Variants in CFAP61 observed in about 807,000 individuals in gnomAD.
The protein encoded by CFAP61 is cilia- and flagella-associated protein 61.
In CFAP61, 107 loss-of-function variants were observed where a neutral mutation model predicts 135.6. That is an observed-to-expected ratio of 0.79 (90% CI 0.67 to 0.93). CFAP61 has a LOEUF of 0.93. Ranked by LOEUF, CFAP61 falls within the 40% of genes least tolerant of loss-of-function variation. The probability of loss-of-function intolerance (pLI) is 0.00; values close to 1 mark genes in which losing one functional copy is unlikely to be tolerated. For synonymous variants in CFAP61, 575 were observed against 578.5 expected (o/e 0.99, Z 0.09); for missense variants, 1,507 against 1,556.2 (o/e 0.97, Z 0.53).
chr20:20,279,999 T>C (rs1490852923), intron 22 of CFAP61, among the ~76,000 whole-genome samples: 1 of 152,106 alleles, frequency 6.6e-6, no homozygotes, highest in East Asian at 1.9e-4. Context: ...GTCCATCCTC[T>C]TCACTATGGT....
At chr20:20,118,307 T>TTCTC (rs1165988126) in intron 8 of CFAP61, among the ~76,000 whole-genome samples, 3 of 119,132 alleles carry the variant, frequency 2.5e-5, no homozygotes, top group Non-Finnish European at 5.5e-5. Context: ...CTTTCTTTCT[T>TTCTC]TTCTTTCTTT....
At chr20:20,059,328 A>AG (rs2044625107) in intron 2 of CFAP61, among the ~76,000 whole-genome samples, 2 of 112,176 alleles carry the variant, frequency 1.8e-5, no homozygotes, top group Non-Finnish European at 3.6e-5. Context: ...CTCTGTCTCA[A>AG]AAAAAAAAAA....
rs534848715 is a variant in CFAP61, at chr20:20,263,036, G to A, written c.2409G>A (p.Thr803=). 41 of 1,613,940 alleles carry A rather than the reference G, an allele frequency of 2.5e-5. No homozygotes were observed. In the Admixed American group the frequency reaches 4.2e-4, roughly 16 times the overall value. ...EVPNSSQRRY[T]GKVPCNHFTL... ...CCAACAGCAGTCAGCGGCGGTACAC[G>A]GGGAAAGTTCCTTGCAACCATTTCA... is the stretch of plus-strand genomic sequence containing the variant. Residue 803 remains threonine (T), a synonymous_variant, in exon 21 of 27, where the codon ACG becomes ACA. Coordinates refer to ENST00000245957, the MANE Select transcript of CFAP61 (RefSeq NM_015585.4).
At chr20:20,236,202 T>A (rs2049578980) in intron 18 of CFAP61, among the ~76,000 whole-genome samples, 1 of 152,104 alleles carries the variant, frequency 6.6e-6, no homozygotes, top group African/African-American at 2.4e-5. Context: ...TGGATAGGGA[T>A]GGGGAGGGTT....
chr20:20,212,152 A>G (rs2047692178), intron 17 of CFAP61, among the ~76,000 whole-genome samples: 1 of 152,082 alleles, frequency 6.6e-6, no homozygotes, highest in African/African-American at 2.4e-5. Context: ...CCCCTTTCAG[A>G]CCATGTGACT....
rs2058454139 is a variant in CFAP61, at chr20:20,341,830, G to A, written c.3423-1G>A. The A allele has an allele frequency of 2.5e-6, 4 of 1,612,250 alleles. No homozygotes were observed. Among genetic ancestry groups the A allele is most frequent in the Non-Finnish European group, 3.4e-6 (4 of 1,178,882 alleles). ...CACTGAGTCTCTTCTTTCCTTACCA[G>A]CTACTTCACCGAGCCGTGGTGCCTG... is the stretch of plus-strand genomic sequence containing the variant. On this transcript the variant is annotated splice_acceptor_variant, in intron 25 of 26. Coordinates refer to ENST00000245957, the MANE Select transcript of CFAP61 (RefSeq NM_015585.4). LOFTEE classifies it high-confidence loss of function.
At chr20:20,286,852 C>A (rs2054619268) in intron 22 of CFAP61, among the ~76,000 whole-genome samples, 1 of 152,086 alleles carries the variant, frequency 6.6e-6, no homozygotes. Context: ...CCCAGAAAAA[C>A]AAGAACTAGT....
intron 24 of CFAP61, among the ~76,000 whole-genome samples, chr20:20,297,035 A>G (rs547517703): frequency 1.3e-5 from 2 of 152,020 alleles, no homozygotes; most frequent in African/African-American, 4.8e-5. Flanking sequence ...CCTCACCCCC[A>G]AATGCCCAAT....
chr20:20,262,816 TTTCAA>T, intron 20 of CFAP61, 135 bp from the exon 21 acceptor site: 1 of 424,718 alleles, frequency 2.4e-6, no homozygotes, highest in Non-Finnish European at 4.1e-6. Flanking sequence ...TTTTTTTTTT[TTTCAA>T]TTAAAATCTG....
chr20:20,356,350 C>G (rs139274924), intron 26 of CFAP61, among the ~76,000 whole-genome samples: 160 of 22,960 alleles, frequency 7.0e-3, no homozygotes, highest in African/African-American at 9.2e-3. Flanking sequence ...GGTGGTCATA[C>G]TGTGAGGGGA....
chr20:20,114,413 AATTT>A (rs2146677144), intron 8 of CFAP61, among the ~76,000 whole-genome samples: 1 of 152,314 alleles, frequency 6.6e-6, no homozygotes, highest in South Asian at 2.1e-4. Context: ...TATAGCCCAC[AATTT>A]ATTTATTGAA....
chr20:20,355,324 A>G (rs370413452), intron 26 of CFAP61, among the ~76,000 whole-genome samples: 89 of 116,016 alleles, frequency 7.7e-4, no homozygotes, highest in African/African-American at 2.4e-3. Context: ...TAGTGACACT[A>G]TGAGCAGAGA....
chr20:20,174,751 C>A (rs1420789336), intron 13 of CFAP61, among the ~76,000 whole-genome samples: 1 of 76,522 alleles, frequency 1.3e-5, no homozygotes, highest in Non-Finnish European at 2.9e-5. Flanking sequence ...TACACCCCAG[C>A]AATGTTTGTA....
At chr20:20,114,879 G>A (rs2049032761) in intron 8 of CFAP61, among the ~76,000 whole-genome samples, 1 of 152,106 alleles carries the variant, frequency 6.6e-6, no homozygotes, top group Non-Finnish European at 1.5e-5. Context: ...ATCAGGTCAA[G>A]GAAGTGTCTG....
chr20:20,303,448 C>A (rs897667175), intron 25 of CFAP61, among the ~76,000 whole-genome samples: 3 of 152,132 alleles, frequency 2.0e-5, no homozygotes, highest in African/African-American at 7.2e-5. Context: ...AAGATGGCCG[C>A]CAGTCATTTC....
chr20:20,317,207 G>T (rs2122224257), intron 25 of CFAP61, among the ~76,000 whole-genome samples: 1 of 152,072 alleles, frequency 6.6e-6, no homozygotes, highest in Non-Finnish European at 1.5e-5. Flanking sequence ...TCTAAGCCTT[G>T]TTTCCCTTAT....
At chr20:20,152,289 TA>T (rs1390241393) in intron 9 of CFAP61, among the ~76,000 whole-genome samples, 1 of 150,998 alleles carries the variant, frequency 6.6e-6, no homozygotes, top group Non-Finnish European at 1.5e-5. Flanking sequence ...ACAGGGCCTA[TA>T]AAACAATAAC....
chr20:20,158,207 A>C (rs1004367570), intron 9 of CFAP61, among the ~76,000 whole-genome samples: 6 of 152,074 alleles, frequency 3.9e-5, no homozygotes, highest in Non-Finnish European at 8.8e-5. Context: ...TAATCTGCAC[A>C]ATGTGCACAT....
chr20:20,068,148 A>G (rs1397877781), intron 2 of CFAP61, among the ~76,000 whole-genome samples: 1 of 152,216 alleles, frequency 6.6e-6, no homozygotes, highest in Non-Finnish European at 1.5e-5. Context: ...TTCCAGGAAC[A>G]CATTGTTCTT....
Sources: allele counts gnomAD v4.1 joint callset (sites outside exome capture counted in the v4.1 genomes callset), GRCh38; gene constraint gnomAD v4.1.1; transcripts MANE v1.5; gene names NCBI Gene and HGNC (gene_info 2026-07-23, HGNC 2026-07-21).